The following OR5AN1 variants were observed in gnomAD, a reference collection of about 807,000 sequenced individuals.
OR5AN1 encodes the protein olfactory receptor 5AN1.
For synonymous variants in OR5AN1, 167 were observed against 131.8 expected (o/e 1.27, Z -1.83); for missense variants, 476 against 368.9 (o/e 1.29, Z -2.38).
rs1181435120 is a variant in OR5AN1 at position 59,366,608 on chromosome 11, C to A, written c.*1214C>A. 1 of 152,180 alleles carries A rather than the reference C, an allele frequency of 6.6e-6. No homozygotes were observed. Among genetic ancestry groups the A allele is most frequent in the African/African-American group, 2.4e-5 (1 of 41,438 alleles). The allele number at this position is 152,180 out of a possible 1,614,324, so 9.4% of individuals were successfully genotyped here. On this transcript the variant is annotated 3_prime_UTR_variant, in exon 2 of 2. Transcript: ENST00000641998. ...TCTGCCACCCCCAAGGTGTGTGATG[C>A]TGGGCAAGCCACACAATCTTTTGTG... is the stretch of plus-strand genomic sequence containing the variant.
At chr11:59,362,396 T>C (rs1014575075) in intron 1 of OR5AN1, among the ~76,000 whole-genome samples, 2 of 152,194 alleles carry the variant, frequency 1.3e-5, no homozygotes, top group African/African-American at 4.8e-5. Context: ...ATTCCTCAAA[T>C]ACTCTTTTAC....
At chr11:59,361,800 C>T (rs1565052103) in intron 1 of OR5AN1, among the ~76,000 whole-genome samples, 1 of 152,116 alleles carries the variant, frequency 6.6e-6, no homozygotes, top group Non-Finnish European at 1.5e-5. Context: ...CTCTCTCTTC[C>T]TTCTTCTCCC....
intron 1 of OR5AN1, chr11:59,359,653 T>C (rs1178235457): frequency 6.6e-6 from 1 of 152,210 alleles, no homozygotes; most frequent in Non-Finnish European, 1.5e-5. Flanking sequence ...GGAGTACTCC[T>C]ATATAAGGCT....
At position 59,365,239 on chromosome 11, in the gene OR5AN1, T is replaced by C. The variant is rs751798609; in HGVS notation, c.781T>C (p.Leu261=). 6.2e-7 allele frequency: 1 copy of C among 1,614,152 alleles called. No homozygotes were observed. The highest frequency in any genetic ancestry group is 1.1e-5 in the South Asian group (1 of 91,084). The part of the protein sequence containing the change: ...LFYTSGIFVY[L]SSSSGGSSSF... ...CTATACATCAGGAATCTTTGTCTAT[T>C]TGAGTTCCAGCTCTGGAGGTTCTTC... is the stretch of plus-strand genomic sequence containing the variant. The change falls in exon 2 of 2, where the codon TTG becomes CTG. Residue 261 remains leucine (L), a synonymous_variant. Transcript: ENST00000641998.
intron 1 of OR5AN1, among the ~76,000 whole-genome samples, chr11:59,361,476 T>A (rs983361209): frequency 6.6e-6 from 1 of 152,122 alleles, no homozygotes; most frequent in Non-Finnish European, 1.5e-5. Flanking sequence ...AGGAGGAGCT[T>A]TACCATGTTA....
chr11:59,370,322 G>A lies in OR5AN1; in HGVS notation c.*4928G>A, dbSNP rs1456057621. ...CTAAAAAGGCACAGAGTGGCAAGCA[G>A]GATAAAAAAGGAAGACCCAATGGTA... On this transcript the variant is annotated 3_prime_UTR_variant, in exon 2 of 2. Coordinates refer to ENST00000641998, the MANE Select transcript of OR5AN1 (RefSeq NM_001004729.2). 1 of 152,058 alleles carries A rather than the reference G, an allele frequency of 6.6e-6. No homozygotes were observed. Among genetic ancestry groups the A allele is most frequent in the Non-Finnish European group, 1.5e-5 (1 of 68,008 alleles). 9.4% of individuals were successfully genotyped at this position (152,058 alleles called of 1,614,324 possible).
rs1173956738 is a variant in OR5AN1, at chr11:59,367,031, A to G, written c.*1637A>G. 6.6e-6 allele frequency: 1 copy of G among 152,256 alleles called. No homozygotes were observed. Among genetic ancestry groups the G allele is most frequent in the East Asian group, 1.9e-4 (1 of 5,204 alleles). 9.4% of individuals were successfully genotyped at this position (152,256 alleles called of 1,614,324 possible). On this transcript the variant is annotated 3_prime_UTR_variant, in exon 2 of 2. Transcript: ENST00000641998. Reference sequence around the variant, plus strand: ...ATATGAATAAAATAAAGCAATATTTATGAGATGTAGCCAAAGCTAAAATCA... The same window carrying G: ...ATATGAATAAAATAAAGCAATATTTGTGAGATGTAGCCAAAGCTAAAATCA...
chr11:59,362,451 T>C (rs1468511441), intron 1 of OR5AN1, among the ~76,000 whole-genome samples: 1 of 152,226 alleles, frequency 6.6e-6, no homozygotes, highest in Non-Finnish European at 1.5e-5. Context: ...AAGAGTTTGT[T>C]CTTTCACTGT....
chr11:59,362,552 A>G (rs1028386298), intron 1 of OR5AN1, among the ~76,000 whole-genome samples: 6 of 152,220 alleles, frequency 3.9e-5, no homozygotes, highest in Non-Finnish European at 7.3e-5. Context: ...GTCTATTATT[A>G]TAAGAATAAT....
At position 59,364,588 on chromosome 11, in the gene OR5AN1, C is replaced by T; in HGVS notation, c.130C>T (p.Leu44Phe). 6.2e-7 allele frequency: 1 copy of T among 1,613,350 alleles called. No homozygotes were observed. The highest frequency in any genetic ancestry group is 1.3e-5 in the African/African-American group (1 of 74,924). The change falls in exon 2 of 2, where the codon CTC becomes TTC. Residue 44 changes from leucine (L) to phenylalanine (F), a missense_variant. Physicochemically the swap from Leu to Phe is conservative, Grantham distance 22. Transcript: ENST00000641998. The part of the protein sequence containing the change: ...VIYITSLAWN[L>F]SLIVLIRMDS... ...CTACATTACATCTCTGGCCTGGAAC[C>T]TCTCCCTCATTGTTTTAATAAGGAT... is the stretch of plus-strand genomic sequence containing the variant.
rs896073536 is a variant in OR5AN1 at position 59,361,399 on chromosome 11, G to T, written c.-14+2127G>T. Among the ~76,000 whole-genome samples the T allele has an allele frequency of 2.0e-5, 3 of 152,054 alleles. No individual in the cohort carries two copies. The East Asian group carries it at 5.8e-4, about 29-fold the overall frequency. ...CAGGTTCAAGCAATTCCCCTTCTCA[G>T]CCTCCCAAGTAGGTGGGACTACAGG... On this transcript the variant is annotated intron_variant, in intron 1 of 1. Transcript: ENST00000641998.
chr11:59,362,082 T>C (rs983747546), intron 1 of OR5AN1, among the ~76,000 whole-genome samples: 1 of 151,928 alleles, frequency 6.6e-6, no homozygotes, highest in African/African-American at 2.4e-5. Flanking sequence ...AAAAAGCACA[T>C]AATTTTTCTC....
intron 1 of OR5AN1, 66 bp downstream of exon 1, chr11:59,359,338 T>TC (rs1857439247): frequency 6.6e-6 from 1 of 152,168 alleles, no homozygotes; most frequent in Admixed American, 6.6e-5. Context: ...ACTGCTATCT[T>TC]CTTCTTTTTC....
At position 59,368,628 on chromosome 11, in the gene OR5AN1, C is replaced by T. The variant is rs1479034557; in HGVS notation, c.*3234C>T. The T allele has an allele frequency of 6.6e-6, 1 of 152,510 alleles. No individual in the cohort carries two copies. Among genetic ancestry groups the T allele is most frequent in the Non-Finnish European group, 1.5e-5 (1 of 68,268 alleles). The allele number at this position is 152,510 out of a possible 1,614,324, so 9.4% of individuals were successfully genotyped here. On this transcript the variant is annotated 3_prime_UTR_variant, in exon 2 of 2. Transcript: ENST00000641998. ...CTGGCTTGGGCCCACAACACATACC[C>T]TCTATCTTGGGCTGGCTGCACTGAG... is the stretch of plus-strand genomic sequence containing the variant.
intron 1 of OR5AN1, among the ~76,000 whole-genome samples, chr11:59,362,453 T>G (rs1857475065): frequency 6.6e-6 from 1 of 152,228 alleles, no homozygotes; most frequent in Non-Finnish European, 1.5e-5. Flanking sequence ...GAGTTTGTTC[T>G]TTCACTGTCA....
In OR5AN1 at chr11:59,367,681, A is replaced by C. The variant is rs578209900; in HGVS notation, c.*2287A>C. ...TTTGGGCTTTGAAGAATCTGAGCTGACCCAGGGTGGAAGAGAACCCCCAGC... is the reference window on the plus strand; with the variant it reads ...TTTGGGCTTTGAAGAATCTGAGCTGCCCCAGGGTGGAAGAGAACCCCCAGC... On this transcript the variant is annotated 3_prime_UTR_variant, in exon 2 of 2. Coordinates refer to ENST00000641998, the MANE Select transcript of OR5AN1 (RefSeq NM_001004729.2). 1 of 152,448 alleles carries C rather than the reference A, an allele frequency of 6.6e-6. No individual in the cohort carries two copies. Among genetic ancestry groups the C allele is most frequent in the African/African-American group, 2.4e-5 (1 of 41,520 alleles). 9.4% of individuals were successfully genotyped at this position (152,448 alleles called of 1,614,324 possible).
At chr11:59,359,553 G>A (rs1273104489) in intron 1 of OR5AN1, 1 of 152,088 alleles carries the variant, frequency 6.6e-6, no homozygotes, top group African/African-American at 2.4e-5. Flanking sequence ...TTTTCAAAAT[G>A]CTAATAATTA....
intron 1 of OR5AN1, among the ~76,000 whole-genome samples, chr11:59,361,984 TTGTGTGTGTGTG>T (rs144506810): frequency 7.2e-5 from 10 of 139,848 alleles, no homozygotes; most frequent in South Asian, 2.2e-4. Context: ...GTGTGTGTGT[TTGTGTGTGTGTG>T]TGTGTGTGTG....
In OR5AN1 at chr11:59,364,836, C is replaced by G; in HGVS notation, c.378C>G (p.Ala126=). The change falls in exon 2 of 2, where the codon GCC becomes GCG. Residue 126 remains alanine (A), a synonymous_variant. Transcript: ENST00000641998. The part of the protein sequence containing the change: ...MTAMAYDRYA[A]ICNPLLYSSI... The stretch of plus-strand genomic sequence containing the variant: ...CCATGGCTTATGATCGTTATGCTGC[C>G]ATTTGTAACCCCCTGCTCTATTCAT... 6.2e-7 allele frequency: 1 copy of G among 1,613,892 alleles called. No individual in the cohort carries two copies. Among genetic ancestry groups the G allele is most frequent in the South Asian group, 1.1e-5 (1 of 91,044 alleles).
Sources: gnomAD v4.1 joint callset for allele counts (sites outside exome capture counted in the v4.1 genomes callset) on GRCh38, gnomAD v4.1.1 for gene constraint, MANE v1.5 for transcripts, NCBI Gene and HGNC (gene_info 2026-07-23, HGNC 2026-07-21) for gene names.